Variants in MICU1 observed in about 807,000 individuals in gnomAD.
MICU1 encodes calcium uptake protein 1, mitochondrial.
In MICU1, 45 loss-of-function variants were observed where a neutral mutation model predicts 56.8. The ratio of observed to expected loss-of-function variants is 0.79; its 90% CI spans 0.62 to 1.02. The LOEUF (loss-of-function observed/expected upper bound fraction) is 1.02, where lower values mean the gene tolerates loss of function less well. Ranked by LOEUF, MICU1 falls within the 50% of genes least tolerant of loss-of-function variation. MICU1 has a pLI of 0.00. For missense variants in MICU1, 504 were observed against 587.1 expected (o/e 0.86, Z 1.46); for synonymous variants, 186 against 195.1 (o/e 0.95, Z 0.39).
intron 5 of MICU1, chr10:72,531,798 G>A (rs909470707): frequency 8.6e-5 from 13 of 151,102 alleles, no homozygotes; most frequent in African/African-American, 2.4e-4. Flanking sequence ...ATTATCAAGC[G>A]AAAGACTTCA....
intron 9 of MICU1, among the ~76,000 whole-genome samples, chr10:72,420,828 A>G (rs1864135095): frequency 6.6e-6 from 1 of 151,580 alleles, no homozygotes; most frequent in African/African-American, 2.4e-5. Flanking sequence ...TGCACGTGCC[A>G]CCATGCCTGG....
At chr10:72,570,113 T>A (rs927366311) in intron 1 of MICU1, among the ~76,000 whole-genome samples, 1 of 152,042 alleles carries the variant, frequency 6.6e-6, no homozygotes, top group Non-Finnish European at 1.5e-5. Context: ...GCCCAGCTAA[T>A]TTTATATTTT....
chr10:72,536,640 C>T (rs1047001996), intron 4 of MICU1, among the ~76,000 whole-genome samples: 4 of 151,900 alleles, frequency 2.6e-5, no homozygotes, highest in East Asian at 1.9e-4. Flanking sequence ...CGTGAGCCAC[C>T]GTGCCCAGAC....
chr10:72,380,352 A>G (rs936199830), intron 10 of MICU1, among the ~76,000 whole-genome samples: 1 of 152,078 alleles, frequency 6.6e-6, no homozygotes, highest in Admixed American at 6.6e-5. Flanking sequence ...TTCCTATTAG[A>G]TTGGGATGGG....
At chr10:72,531,123 G>A (rs1839469255) in intron 5 of MICU1, among the ~76,000 whole-genome samples, 1 of 152,024 alleles carries the variant, frequency 6.6e-6, no homozygotes, top group African/African-American at 2.4e-5. Flanking sequence ...TTAAGATAAT[G>A]GGGGCTAAGA....
chr10:72,586,509 G>A (rs1485176954), intron 1 of MICU1, among the ~76,000 whole-genome samples: 3 of 151,882 alleles, frequency 2.0e-5, no homozygotes, highest in African/African-American at 4.8e-5. Context: ...AAATTTAGCC[G>A]GGCATGGTGG....
intron 4 of MICU1, among the ~76,000 whole-genome samples, chr10:72,542,597 G>A (rs1469566856): frequency 6.6e-6 from 1 of 152,198 alleles, no homozygotes; most frequent in Non-Finnish European, 1.5e-5. Context: ...CTGGATGGGG[G>A]TGCCTGCAAT....
At chr10:72,507,641 GT>G (rs1867298510) in intron 6 of MICU1, among the ~76,000 whole-genome samples, 1 of 152,100 alleles carries the variant, frequency 6.6e-6, no homozygotes, top group Admixed American at 6.6e-5. Flanking sequence ...TCACTTCTTA[GT>G]TTTTTTGCTG....
intron 10 of MICU1, among the ~76,000 whole-genome samples, chr10:72,376,721 G>T (rs114720300): frequency 1.1e-3 from 167 of 152,176 alleles, no homozygotes; most frequent in African/African-American, 3.8e-3. Flanking sequence ...GGAATGGGGA[G>T]TTACTGCTTT....
chr10:72,578,419 G>A (rs1473499488), intron 1 of MICU1, among the ~76,000 whole-genome samples: 1 of 101,474 alleles, frequency 9.9e-6, no homozygotes, highest in Non-Finnish European at 2.1e-5. Context: ...CACCATGCCT[G>A]GCTTTTTTTT....
intron 10 of MICU1, among the ~76,000 whole-genome samples, chr10:72,405,981 G>C (rs1863616228): frequency 1.3e-5 from 2 of 151,484 alleles, no homozygotes; most frequent in African/African-American, 4.9e-5. Context: ...GTATTGGTGG[G>C]GTAAGCAAGT....
rs117713408 is a variant in MICU1 at position 72,388,843 on chromosome 10, C to T, written c.1181-12971G>A. Among the ~76,000 whole-genome samples the T allele has an allele frequency of 6.1e-3, 931 of 152,268 alleles. 8 individuals are homozygous for T. Among genetic ancestry groups the T allele is most frequent in the East Asian group, 0.034 (175 of 5,186 alleles). On this transcript the variant is annotated intron_variant, in intron 10 of 11. Transcript: ENST00000361114. ...TGGAGTATACTGAGAGGCAACACGA[C>T]GATGTGGAAAGAACACAGACTGGGA...
At chr10:72,608,022 T>C (rs958966458) in intron 1 of MICU1, among the ~76,000 whole-genome samples, 3 of 152,084 alleles carry the variant, frequency 2.0e-5, no homozygotes, top group Non-Finnish European at 2.9e-5. Flanking sequence ...GGAAGAAAAT[T>C]TTGTTTTTCT....
In MICU1 at chr10:72,525,901, C is replaced by T. The variant is rs1244228927; in HGVS notation, c.537+7845G>A. 2.0e-5 allele frequency among the ~76,000 whole-genome samples: 3 copies of T among 152,304 alleles called. No individual in the cohort carries two copies. The East Asian group carries it at 5.8e-4, about 29-fold the overall frequency. The stretch of plus-strand genomic sequence containing the variant: ...GGACTGTCTATATCCAAAGTCCACA[C>T]TCTTCATCCCACTCTATTACACATA... On this transcript the variant is annotated intron_variant, in intron 5 of 11. Coordinates refer to ENST00000361114, the MANE Select transcript of MICU1 (RefSeq NM_001195518.2).
At chr10:72,467,224 C>T (rs898322796) in intron 8 of MICU1, among the ~76,000 whole-genome samples, 2 of 152,058 alleles carry the variant, frequency 1.3e-5, no homozygotes, top group African/African-American at 4.8e-5. Flanking sequence ...TGCCCTGTTG[C>T]CCAGACTGGA....
Position 72,508,245 on chromosome 10 carries a change from A to T in MICU1, c.562T>A (p.Phe188Ile). The T allele has an allele frequency of 6.6e-7, 1 of 1,519,100 alleles. No homozygotes were observed. The highest frequency in any genetic ancestry group is 1.3e-5 in the South Asian group (1 of 75,296). The allele number at this position is 1,519,100 out of a possible 1,614,324, so 94.1% of individuals were successfully genotyped here. A position where few individuals can be genotyped will look rare whatever the true frequency, so the allele number is the denominator to read the frequency against. The change falls in exon 6 of 12, where the codon TTT (phenylalanine) becomes ATT (isoleucine). Residue 188 changes from phenylalanine to isoleucine, a missense_variant. Coordinates refer to ENST00000361114, the MANE Select transcript of MICU1 (RefSeq NM_001195518.2). ...TAAAATATACTGCCTTCATCAGCAA[A>T]TTTTTCTCGTTCCTGGGAAATTTTC... Reference protein sequence around the residue: ...GKKISQEREKFADEGSIFYTL... With the variant: ...GKKISQEREKIADEGSIFYTL...
At chr10:72,603,891 CA>C (rs1319088705) in intron 1 of MICU1, among the ~76,000 whole-genome samples, 1 of 152,176 alleles carries the variant, frequency 6.6e-6, no homozygotes, top group Non-Finnish European at 1.5e-5. Context: ...CAACTCAAAG[CA>C]GGGGCTTCCA....
chr10:72,380,956 C>A (rs1237659373), intron 10 of MICU1, among the ~76,000 whole-genome samples: 1 of 152,160 alleles, frequency 6.6e-6, no homozygotes, highest in African/African-American at 2.4e-5. Flanking sequence ...GATCTGACTA[C>A]CCCCTACAGT....
intron 10 of MICU1, among the ~76,000 whole-genome samples, chr10:72,405,197 C>A (rs1247604860): frequency 6.6e-6 from 1 of 152,034 alleles, no homozygotes; most frequent in African/African-American, 2.4e-5. Context: ...GCATGAGCCA[C>A]CATGCCTGGC....
Sources: allele counts gnomAD v4.1 joint callset (sites outside exome capture counted in the v4.1 genomes callset), GRCh38; gene constraint gnomAD v4.1.1; transcripts MANE v1.5; gene names NCBI Gene and HGNC (gene_info 2026-07-23, HGNC 2026-07-21).